Variants in SEM1 observed in about 807,000 individuals in gnomAD.
SEM1 encodes the protein 26S proteasome complex subunit SEM1.
A neutral mutation model predicts 12.7 loss-of-function variants in SEM1; 3 were observed. That is an observed-to-expected ratio of 0.24 (90% CI 0.11 to 0.61). The LOEUF (loss-of-function observed/expected upper bound fraction) is 0.61. SEM1 is among the 20% of genes least tolerant of loss of function. SEM1 has a pLI of 0.88. For missense variants in SEM1, 59 were observed against 81.3 expected (o/e 0.73, Z 1.06); for synonymous variants, 30 against 27.8 (o/e 1.08, Z -0.25).
chr7:96,563,545 G>A (rs1480037467), intron 2 of SEM1, among the ~76,000 whole-genome samples: 2 of 151,982 alleles, frequency 1.3e-5, no homozygotes, highest in Non-Finnish European at 2.9e-5. Flanking sequence ...AAAAAAATTT[G>A]GAATTTATCA....
chr7:96,656,243 G>T (rs1282480639), intron 2 of SEM1, among the ~76,000 whole-genome samples: 1 of 152,090 alleles, frequency 6.6e-6, no homozygotes. Flanking sequence ...CTGGCTTTTG[G>T]TTGGCCAAAC....
intron 2 of SEM1, among the ~76,000 whole-genome samples, chr7:96,597,791 C>T (rs1441551986): frequency 2.0e-5 from 3 of 151,736 alleles, no homozygotes; most frequent in Non-Finnish European, 4.4e-5. Flanking sequence ...ACTCTTGTAC[C>T]CAATCCACCT....
intron 2 of SEM1, among the ~76,000 whole-genome samples, chr7:96,542,178 G>A (rs1440391537): frequency 3.3e-5 from 5 of 151,444 alleles, no homozygotes; most frequent in Admixed American, 6.6e-5. Context: ...TTGAACCTAT[G>A]GATTGATTTT....
chr7:96,698,842 T>C (rs1003896638), intron 1 of SEM1, among the ~76,000 whole-genome samples: 15 of 152,140 alleles, frequency 9.9e-5, no homozygotes, highest in Non-Finnish European at 2.9e-5. Context: ...AATCACCACA[T>C]TGTCTTCCAC....
intron 2 of SEM1, among the ~76,000 whole-genome samples, chr7:96,554,393 T>G (rs1448401631): frequency 7.5e-6 from 1 of 132,984 alleles, no homozygotes; most frequent in Non-Finnish European, 1.6e-5. Context: ...TTATTGAGAG[T>G]TTTTAGCATG....
At chr7:96,624,439 G>A (rs974134894) in intron 2 of SEM1, among the ~76,000 whole-genome samples, 1 of 152,042 alleles carries the variant, frequency 6.6e-6, no homozygotes, top group African/African-American at 2.4e-5. Flanking sequence ...TGGGCTCTGG[G>A]GACAGAATGC....
downstream of SEM1, among the ~76,000 whole-genome samples, chr7:96,672,328 C>T (rs1363722344): frequency 6.6e-6 from 1 of 152,136 alleles, no homozygotes; most frequent in Non-Finnish European, 1.5e-5. Flanking sequence ...TGGAAAGAGC[C>T]TCCATTATTA....
chr7:96,510,797 A>G (rs1803912645), intron 2 of SEM1, among the ~76,000 whole-genome samples: 1 of 152,160 alleles, frequency 6.6e-6, no homozygotes, highest in Non-Finnish European at 1.5e-5. Flanking sequence ...GCAGGTGGTC[A>G]TTGCAAATAG....
chr7:96,545,433 C>T (rs1029096185), intron 2 of SEM1, among the ~76,000 whole-genome samples: 8 of 151,846 alleles, frequency 5.3e-5, no homozygotes, highest in African/African-American at 1.9e-4. Flanking sequence ...AACTCAACAA[C>T]TTGCTAAAAC....
chr7:96,556,802 A>G (rs1206660946), intron 2 of SEM1, among the ~76,000 whole-genome samples: 1 of 135,270 alleles, frequency 7.4e-6, no homozygotes, highest in Non-Finnish European at 1.6e-5. Flanking sequence ...ACTTGGTTCC[A>G]TTCTCCCCAT....
At chr7:96,582,777 T>C (rs1806461292) in intron 2 of SEM1, among the ~76,000 whole-genome samples, 1 of 152,260 alleles carries the variant, frequency 6.6e-6, no homozygotes. Flanking sequence ...TTTGTAGTAT[T>C]ATCTTATGGT....
chr7:96,557,061 T>C (rs1288981264), intron 2 of SEM1, among the ~76,000 whole-genome samples: 1 of 146,038 alleles, frequency 6.8e-6, no homozygotes, highest in African/African-American at 2.5e-5. Context: ...TAAGCACTTC[T>C]CTGTATTGGT....
At chr7:96,587,437 A>C (rs1208265713) in intron 2 of SEM1, among the ~76,000 whole-genome samples, 1 of 152,084 alleles carries the variant, frequency 6.6e-6, no homozygotes, top group Non-Finnish European at 1.5e-5. Context: ...GCATTCCACT[A>C]TCTGCTTTGA....
At chr7:96,613,301 T>C (rs1176602937) in intron 2 of SEM1, among the ~76,000 whole-genome samples, 1 of 152,248 alleles carries the variant, frequency 6.6e-6, no homozygotes, top group African/African-American at 2.4e-5. Context: ...AATGTATCCG[T>C]TCATGGATTC....
At chr7:96,682,803 T>C (rs963708627) in intron 2 of SEM1, among the ~76,000 whole-genome samples, 2 of 152,050 alleles carry the variant, frequency 1.3e-5, no homozygotes, top group African/African-American at 2.4e-5. Context: ...ATCCTTTGTC[T>C]ATCTTTGGAT....
chr7:96,687,613 T>G (rs921419874), downstream of SEM1, among the ~76,000 whole-genome samples: 1 of 150,480 alleles, frequency 6.6e-6, no homozygotes, highest in Non-Finnish European at 1.5e-5. Flanking sequence ...AAGGGGAACA[T>G]CACACTCTGG....
At chr7:96,632,665 C>G in intron 2 of SEM1, among the ~76,000 whole-genome samples, 1 of 151,890 alleles carries the variant, frequency 6.6e-6, no homozygotes, top group East Asian at 1.9e-4. Context: ...AACGAACCTG[C>G]ACATTCTGCA....
chr7:96,613,254 A>G (rs917113488), intron 2 of SEM1, among the ~76,000 whole-genome samples: 10 of 152,230 alleles, frequency 6.6e-5, no homozygotes, highest in Admixed American at 3.9e-4. Flanking sequence ...TATCCCAGAG[A>G]AAAAGTTTGC....
At chr7:96,601,918 G>A (rs1035151070) in intron 2 of SEM1, among the ~76,000 whole-genome samples, 1 of 152,130 alleles carries the variant, frequency 6.6e-6, no homozygotes, top group Non-Finnish European at 1.5e-5. Context: ...ACACAAAAAG[G>A]TCTATTACAT....
Sources: gnomAD v4.1 joint callset for allele counts (sites outside exome capture counted in the v4.1 genomes callset) on GRCh38, gnomAD v4.1.1 for gene constraint, MANE v1.5 for transcripts, NCBI Gene and HGNC (gene_info 2026-07-23, HGNC 2026-07-21) for gene names.